SAMD12: variants seen among roughly 807,000 people sequenced by gnomAD.
SAMD12 encodes the protein sterile alpha motif domain containing 12.
In SAMD12, 9 loss-of-function variants were observed where a neutral mutation model predicts 15.0. The observed-to-expected ratio is 0.60, with a 90% CI of 0.36 to 1.05. The LOEUF (loss-of-function observed/expected upper bound fraction) is 1.05, where lower values mean the gene tolerates loss of function less well. SAMD12 is among the 50% of genes least tolerant of loss of function. The pLI, the probability that SAMD12 is intolerant of heterozygous loss-of-function variation, is 0.01. For missense variants in SAMD12, 230 were observed against 234.2 expected (o/e 0.98, Z 0.12); for synonymous variants, 86 against 90.1 (o/e 0.96, Z 0.25).
At chr8:118,486,065 G>C (rs1824267581) in intron 2 of SAMD12, among the ~76,000 whole-genome samples, 1 of 152,266 alleles carries the variant, frequency 6.6e-6, no homozygotes. Context: ...GCATGATTAA[G>C]ATTAAGGACC....
the SAMD12 span, among the ~76,000 whole-genome samples, chr8:118,151,124 A>G: frequency 6.6e-6 from 1 of 151,850 alleles, no homozygotes; most frequent in African/African-American, 2.4e-5. Context: ...AGCTCACATT[A>G]TTTCTAATGA....
intron 2 of SAMD12, among the ~76,000 whole-genome samples, chr8:118,537,274 T>C (rs1413099998): frequency 2.3e-4 from 35 of 152,180 alleles, no homozygotes; most frequent in Admixed American, 2.1e-3. Context: ...TCAAATCTGT[T>C]TGGTGTTCTA....
intron 4 of SAMD12, among the ~76,000 whole-genome samples, chr8:118,229,863 A>G (rs1009216561): frequency 2.6e-5 from 4 of 152,190 alleles, no homozygotes; most frequent in African/African-American, 9.6e-5. Context: ...CGAAGTTCAG[A>G]GCTGGAGCCC....
rs182556914 is a variant in SAMD12 at position 118,531,912 on chromosome 8, C to G, written c.192+48803G>C. Among the ~76,000 whole-genome samples the G allele has an allele frequency of 3.8e-4, 58 of 152,222 alleles. No individual in the cohort carries two copies. In the East Asian group the frequency reaches 0.011, roughly 28 times the overall value. Reference sequence around the variant, plus strand: ...ACTTCCTCTTTTCCTAATTGAATACCCTTTATTTCTTTCTCCTGCCTGATT... The same window carrying G: ...ACTTCCTCTTTTCCTAATTGAATACGCTTTATTTCTTTCTCCTGCCTGATT... On this transcript the variant is annotated intron_variant, in intron 2 of 3. Transcript: ENST00000314727.
chr8:118,608,336 C>G (rs956848924), intron 1 of SAMD12, among the ~76,000 whole-genome samples: 5 of 151,902 alleles, frequency 3.3e-5, no homozygotes, highest in Admixed American at 6.6e-5. Flanking sequence ...TCTACTACCA[C>G]TGGCTGTCTC....
intron 2 of SAMD12, among the ~76,000 whole-genome samples, chr8:118,562,495 G>A (rs1478102309): frequency 6.6e-6 from 1 of 152,202 alleles, no homozygotes; most frequent in Non-Finnish European, 1.5e-5. Context: ...GCATCTCATA[G>A]ACGAAGGAAG....
chr8:118,240,580 CT>C (rs1812541541), intron 4 of SAMD12, among the ~76,000 whole-genome samples: 1 of 152,048 alleles, frequency 6.6e-6, no homozygotes, highest in African/African-American at 2.4e-5. Context: ...GTTTTTCCCC[CT>C]GAGTAATTGA....
At chr8:118,574,666 C>T (rs1269083036) in intron 2 of SAMD12, among the ~76,000 whole-genome samples, 3 of 152,140 alleles carry the variant, frequency 2.0e-5, no homozygotes, top group East Asian at 1.9e-4. Context: ...ACTGTAGTTT[C>T]GTTTGAGCCC....
intron 4 of SAMD12, among the ~76,000 whole-genome samples, chr8:118,276,536 T>A (rs942638651): frequency 6.6e-6 from 1 of 152,192 alleles, no homozygotes; most frequent in Non-Finnish European, 1.5e-5. Context: ...TGTGGATATG[T>A]GGGTTAATCT....
At chr8:118,476,503 G>A (rs1008920444) in intron 2 of SAMD12, among the ~76,000 whole-genome samples, 1 of 152,202 alleles carries the variant, frequency 6.6e-6, no homozygotes, top group Non-Finnish European at 1.5e-5. Flanking sequence ...CCAGAAAGAT[G>A]AGACATCTTT....
intron 1 of SAMD12, among the ~76,000 whole-genome samples, chr8:118,614,022 A>G (rs1049609036): frequency 4.6e-5 from 7 of 152,188 alleles, no homozygotes; most frequent in Non-Finnish European, 8.8e-5. Context: ...GATGCCTTGT[A>G]TTTTATCAAT....
chr8:118,530,645 T>A (rs547129805), intron 2 of SAMD12, among the ~76,000 whole-genome samples: 3 of 152,238 alleles, frequency 2.0e-5, no homozygotes, highest in Non-Finnish European at 4.4e-5. Context: ...TCCCATTCTG[T>A]AGGTTGTCTC....
chr8:118,309,437 T>C (rs1170698730), intron 4 of SAMD12, among the ~76,000 whole-genome samples: 1 of 151,758 alleles, frequency 6.6e-6, no homozygotes, highest in Admixed American at 6.6e-5. Context: ...ATTTATCCAC[T>C]TGTTGATTGA....
At position 118,226,895 on chromosome 8, in the gene SAMD12, G is replaced by C. The variant is rs370373527; in HGVS notation, c.434-29163C>G. Among the ~76,000 whole-genome samples the C allele has an allele frequency of 5.5e-4, 84 of 152,238 alleles. No homozygotes were observed. In the South Asian group the frequency reaches 0.01, roughly 19 times the overall value. ...TGTAGAAAACTGAGGAACAGTGAGA[G>C]GGTGTATAAGTAGAACATTCCATAA... is the stretch of plus-strand genomic sequence containing the variant. On this transcript the variant is annotated intron_variant, in intron 4 of 4. Coordinates refer to the SAMD12 transcript ENST00000409003.
Position 118,379,209 on chromosome 8 carries a change from C to G in SAMD12, c.*208G>C. ...GCTACAGCTGGACTGTACAGTTGTG[C>G]AGGCTGCACATTATACAACTCTAGT... On this transcript the variant is annotated 3_prime_UTR_variant, in exon 4 of 4. Coordinates refer to ENST00000314727, the MANE Select transcript of SAMD12 (RefSeq NM_207506.3). 1.4e-6 allele frequency: 2 copies of G among 1,389,048 alleles called. No homozygotes were observed. Among genetic ancestry groups the G allele is most frequent in the African/African-American group, 2.9e-5 (2 of 69,012 alleles). The allele number at this position is 1,389,048 out of a possible 1,614,324, so 86.0% of individuals were successfully genotyped here.
intron 4 of SAMD12, among the ~76,000 whole-genome samples, chr8:118,229,580 T>C (rs188688065): frequency 3.3e-5 from 5 of 152,310 alleles, no homozygotes. Flanking sequence ...AACACTATTT[T>C]CATTATTTTG....
intron 2 of SAMD12, among the ~76,000 whole-genome samples, chr8:118,554,388 A>G (rs1826453958): frequency 6.6e-6 from 1 of 152,128 alleles, no homozygotes; most frequent in Non-Finnish European, 1.5e-5. Context: ...TTGTAGGGAC[A>G]TGGATGAAAT....
At chr8:118,595,048 C>T (rs1827690418) in intron 1 of SAMD12, among the ~76,000 whole-genome samples, 1 of 152,148 alleles carries the variant, frequency 6.6e-6, no homozygotes, top group African/African-American at 2.4e-5. Context: ...ATACCGGGGC[C>T]ATCAGAGAAG....
intron 4 of SAMD12, among the ~76,000 whole-genome samples, chr8:118,278,833 TAAAGG>T (rs1813534572): frequency 6.6e-6 from 1 of 152,156 alleles, no homozygotes; most frequent in Non-Finnish European, 1.5e-5. Context: ...CGAAGGGAAG[TAAAGG>T]TGCATTGTTT....
Sources: allele counts gnomAD v4.1 joint callset (sites outside exome capture counted in the v4.1 genomes callset), GRCh38; gene constraint gnomAD v4.1.1; transcripts MANE v1.5; gene names NCBI Gene and HGNC (gene_info 2026-07-23, HGNC 2026-07-21).